The following RBFOX1 variants were observed in gnomAD, a reference collection of about 807,000 sequenced individuals.
RBFOX1 encodes the protein RNA binding protein fox-1 homolog 1.
Under a neutral mutation model 57.7 loss-of-function variants are expected in RBFOX1, and 8 were observed. The observed-to-expected ratio is 0.14, with a 90% CI of 0.08 to 0.25. RBFOX1 has a LOEUF of 0.25. Ranked by LOEUF, RBFOX1 falls within the 10% of genes least tolerant of loss-of-function variation. RBFOX1 has a pLI of 1.00. For synonymous variants in RBFOX1, 326 were observed against 222.4 expected (o/e 1.47, Z -4.15); for missense variants, 611 against 548.5 (o/e 1.11, Z -1.14).
intron 4 of RBFOX1, among the ~76,000 whole-genome samples, chr16:7,329,856 A>T (rs2096661544): frequency 6.6e-6 from 1 of 152,208 alleles, no homozygotes; most frequent in African/African-American, 2.4e-5. Flanking sequence ...ATATATCTCT[A>T]TCCTGTATGT....
At chr16:7,128,985 T>A (rs1395368500) in intron 4 of RBFOX1, among the ~76,000 whole-genome samples, 2 of 151,902 alleles carry the variant, frequency 1.3e-5, no homozygotes, top group Admixed American at 1.3e-4. Context: ...CACGCCCAGT[T>A]AATTTTTGTA....
intron 1 of RBFOX1, among the ~76,000 whole-genome samples, chr16:6,033,766 C>T (rs989633680): frequency 2.6e-5 from 4 of 152,208 alleles, no homozygotes; most frequent in African/African-American, 9.6e-5. Flanking sequence ...CCACTTCCCA[C>T]ACATGTCTGT....
chr16:5,702,259 C>T (rs2051077543), intron 3 of RBFOX1, among the ~76,000 whole-genome samples: 1 of 152,190 alleles, frequency 6.6e-6, no homozygotes, highest in Non-Finnish European at 1.5e-5. Context: ...GAATGGGAAG[C>T]AAGCCCCTTC....
At chr16:7,658,266 TC>T (rs2066819343) in intron 12 of RBFOX1, among the ~76,000 whole-genome samples, 1 of 152,196 alleles carries the variant, frequency 6.6e-6, no homozygotes, top group African/African-American at 2.4e-5. Flanking sequence ...GCATTATTTA[TC>T]TTTGCTAGGG....
intron 2 of RBFOX1, chr16:5,467,333 C>G: frequency 2.2e-6 from 3 of 1,368,808 alleles, no homozygotes; most frequent in Non-Finnish European, 3.0e-6. Context: ...TCTTGCGTCA[C>G]AGCCCTGCAA....
intron 3 of RBFOX1, among the ~76,000 whole-genome samples, chr16:6,885,769 G>A (rs1311844336): frequency 2.0e-5 from 3 of 152,140 alleles, no homozygotes; most frequent in Non-Finnish European, 4.4e-5. Flanking sequence ...TGCCTCAGGT[G>A]ATTCACCTGC....
chr16:6,425,444 C>T (rs2093898023), intron 2 of RBFOX1, among the ~76,000 whole-genome samples: 1 of 152,182 alleles, frequency 6.6e-6, no homozygotes, highest in Admixed American at 6.5e-5. Flanking sequence ...ACACCCCCTA[C>T]CCAACCTCTC....
At chr16:5,768,824 G>T (rs578039480) in intron 3 of RBFOX1, among the ~76,000 whole-genome samples, 1 of 152,014 alleles carries the variant, frequency 6.6e-6, no homozygotes, top group East Asian at 1.9e-4. Flanking sequence ...ACATGGGTAT[G>T]AGATGCCCAG....
At chr16:5,943,626 C>T (rs1026846313) in intron 4 of RBFOX1, among the ~76,000 whole-genome samples, 1 of 152,148 alleles carries the variant, frequency 6.6e-6, no homozygotes, top group Non-Finnish European at 1.5e-5. Context: ...TTCTCTGCAT[C>T]TTGATTGATT....
chr16:5,583,750 G>C (rs1382790370), intron 2 of RBFOX1, among the ~76,000 whole-genome samples: 2 of 152,182 alleles, frequency 1.3e-5, no homozygotes, highest in Non-Finnish European at 2.9e-5. Flanking sequence ...TATGATGTAG[G>C]CTGTTAGCCC....
intron 4 of RBFOX1, among the ~76,000 whole-genome samples, chr16:7,206,742 G>C (rs529625712): frequency 1.3e-5 from 2 of 152,246 alleles, no homozygotes; most frequent in South Asian, 2.1e-4. Flanking sequence ...TTTACTGTGA[G>C]ATTTCTCATA....
At chr16:6,833,124 C>G (rs998196479) in intron 3 of RBFOX1, among the ~76,000 whole-genome samples, 1 of 151,018 alleles carries the variant, frequency 6.6e-6, no homozygotes, top group African/African-American at 2.4e-5. Flanking sequence ...TGGCACTTTC[C>G]TTTTTTTTCA....
chr16:7,652,168 G>A (rs910729098), intron 11 of RBFOX1, among the ~76,000 whole-genome samples: 1 of 152,136 alleles, frequency 6.6e-6, no homozygotes, highest in South Asian at 2.1e-4. Flanking sequence ...TATGCTCAGA[G>A]CACTGGGAGA....
At chr16:7,568,838 G>C (rs1346987440) in intron 5 of RBFOX1, among the ~76,000 whole-genome samples, 1 of 123,118 alleles carries the variant, frequency 8.1e-6, no homozygotes, top group Admixed American at 1.1e-4. Flanking sequence ...AGTGAGCTGA[G>C]ATCACGCCAC....
intron 3 of RBFOX1, among the ~76,000 whole-genome samples, chr16:6,870,556 T>C (rs900196813): frequency 6.6e-6 from 1 of 152,222 alleles, no homozygotes; most frequent in Non-Finnish European, 1.5e-5. Flanking sequence ...TGTATAACTT[T>C]TGCAGGCTGG....
At chr16:6,353,552 A>G (rs984829741) in intron 2 of RBFOX1, among the ~76,000 whole-genome samples, 1 of 152,098 alleles carries the variant, frequency 6.6e-6, no homozygotes, top group Non-Finnish European at 1.5e-5. Context: ...TGCTGGACCT[A>G]GAGAGCCAGG....
chr16:6,526,436 A>G (rs2096578736), intron 2 of RBFOX1, among the ~76,000 whole-genome samples: 2 of 152,204 alleles, frequency 1.3e-5, no homozygotes, highest in Non-Finnish European at 1.5e-5. Context: ...CAGTCACACT[A>G]CATTGCTGTA....
intron 4 of RBFOX1, among the ~76,000 whole-genome samples, chr16:7,251,116 C>G (rs1230923104): frequency 2.6e-5 from 4 of 152,112 alleles, no homozygotes; most frequent in African/African-American, 4.8e-5. Context: ...ACTATTCCTC[C>G]TATCTAACTG....
rs138302996 is a variant in RBFOX1, at chr16:6,984,157, C to G, written c.-15-67900C>G. On this transcript the variant is annotated intron_variant, in intron 3 of 15. Coordinates refer to ENST00000550418, the MANE Select transcript of RBFOX1 (RefSeq NM_018723.4). Reference sequence around the variant, plus strand: ...AGCAACTTGGGAGGCTGAGGCAGGACAATTGCTTGAACCCTGGAGGCAGAG... The same window carrying G: ...AGCAACTTGGGAGGCTGAGGCAGGAGAATTGCTTGAACCCTGGAGGCAGAG... Among the ~76,000 whole-genome samples the G allele has an allele frequency of 3.8e-3, 583 of 152,188 alleles. 7 individuals are homozygous for G. Among genetic ancestry groups the G allele is most frequent in the African/African-American group, 0.013 (555 of 41,532 alleles).
Sources: allele counts gnomAD v4.1 joint callset (sites outside exome capture counted in the v4.1 genomes callset), GRCh38; gene constraint gnomAD v4.1.1; transcripts MANE v1.5; gene names NCBI Gene and HGNC (gene_info 2026-07-23, HGNC 2026-07-21).